Variants in TSPAN3 observed in about 807,000 individuals in gnomAD.
TSPAN3 encodes tetraspanin-3.
TSPAN3 carries 9 observed loss-of-function variants against 31.1 expected under a neutral mutation model. That is an observed-to-expected ratio of 0.29 (90% CI 0.17 to 0.50). TSPAN3 has a LOEUF of 0.50. Among genes scored for constraint, TSPAN3 ranks in the 20% least tolerant of loss-of-function variants. The pLI is 0.98. For synonymous variants in TSPAN3, 129 were observed against 114.3 expected, an observed-to-expected ratio of 1.13 and a Z score of -0.82; for missense variants, 252 against 313.5, an observed-to-expected ratio of 0.80 and a Z score of 1.48.
intron 6 of TSPAN3, among the ~76,000 whole-genome samples, chr15:77,052,147 G>A (rs748249293): frequency 2.9e-4 from 44 of 152,294 alleles, no homozygotes; most frequent in Middle Eastern, 3.4e-3. Context: ...ACAGTAAGAC[G>A]AGGAGTTCCC....
At chr15:77,049,901 G>A (rs1285941843) in intron 6 of TSPAN3, among the ~76,000 whole-genome samples, 3 of 152,258 alleles carry the variant, frequency 2.0e-5, no homozygotes, top group Non-Finnish European at 4.4e-5. Flanking sequence ...ACAAAATTTA[G>A]GAATTTAATC....
rs1218776638 is a variant in TSPAN3 at position 77,043,022 on chromosome 15, T to G, written c.*3813A>C. On this transcript the variant is annotated 3_prime_UTR_variant, in exon 7 of 7. Coordinates refer to ENST00000267970, the MANE Select transcript of TSPAN3 (RefSeq NM_005724.6). ...GACCCACAGTGGGCTCTGAAGGGGCTAACAAGGCTAGAGGAGGAAGATGGC... is the reference window on the plus strand; with the variant it reads ...GACCCACAGTGGGCTCTGAAGGGGCGAACAAGGCTAGAGGAGGAAGATGGC... The G allele has an allele frequency of 6.6e-6, 1 of 152,254 alleles. No individual in the cohort carries two copies. 9.4% of individuals were successfully genotyped at this position (152,254 alleles called of 1,614,324 possible). A position where few individuals can be genotyped will look rare whatever the true frequency, so the allele number is the denominator to read the frequency against.
At position 77,046,513 on chromosome 15, in the gene TSPAN3, T is replaced by C; in HGVS notation, c.*322A>G. ...CCTGGTGACATTTCGGCATCAGTCC[T>C]GTTACCACTTGGAGGTAACAGAAGC... On this transcript the variant is annotated 3_prime_UTR_variant, in exon 7 of 7. Transcript: ENST00000267970. 1 of 449,772 alleles carries C rather than the reference T, an allele frequency of 2.2e-6. No homozygotes were observed. The highest frequency in any genetic ancestry group is 3.9e-6 in the Non-Finnish European group (1 of 255,442). The allele number at this position is 449,772 out of a possible 1,614,324, so 27.9% of individuals were successfully genotyped here. A position where few individuals can be genotyped will look rare whatever the true frequency, so the allele number is the denominator to read the frequency against.
intron 6 of TSPAN3, 74 bp from the exon 7 acceptor site, chr15:77,047,001 T>TA: frequency 8.1e-7 from 1 of 1,227,704 alleles, no homozygotes; most frequent in Non-Finnish European, 1.2e-6. Flanking sequence ...TCTTTGTTGG[T>TA]AAAAGAGCTG....
Position 77,046,771 on chromosome 15 carries a change from C to A in TSPAN3, c.*64G>T. On this transcript the variant is annotated 3_prime_UTR_variant, in exon 7 of 7. Transcript: ENST00000267970. ...AATGAACTCCAGAGGCCAACAGCAG[C>A]AGACCTGCTCAATTCACCTTCCAAA... The A allele has an allele frequency of 8.0e-7, 1 of 1,250,000 alleles. No homozygotes were observed. The highest frequency in any genetic ancestry group is 1.1e-6 in the Non-Finnish European group (1 of 873,548). The allele number at this position is 1,250,000 out of a possible 1,614,324, so 77.4% of individuals were successfully genotyped here.
chr15:77,051,955 A>G (rs2076734325), intron 6 of TSPAN3, among the ~76,000 whole-genome samples: 3 of 152,230 alleles, frequency 2.0e-5, no homozygotes, highest in Admixed American at 2.0e-4. Context: ...GAGGACAGAA[A>G]AACAAGAACT....
chr15:77,053,033 G>T, intron 4 of TSPAN3, 104 bp from the exon 5 acceptor site: 1 of 1,117,594 alleles, frequency 8.9e-7, no homozygotes, highest in Non-Finnish European at 1.3e-6. Flanking sequence ...AGTGATGTCC[G>T]ATACAACTTT....
intron 1 of TSPAN3, chr15:77,068,212 G>A (rs1207620265): frequency 6.6e-6 from 1 of 152,128 alleles, no homozygotes; most frequent in Non-Finnish European, 1.5e-5. Flanking sequence ...TTTGCCCCCA[G>A]CGTATCTGCT....
chr15:77,070,682 G>A (rs1415860401), intron 1 of TSPAN3, among the ~76,000 whole-genome samples: 1 of 151,794 alleles, frequency 6.6e-6, no homozygotes, highest in Non-Finnish European at 1.5e-5. Flanking sequence ...GCCTCCCCTC[G>A]CTGTCCTCCG....
At chr15:77,066,478 AG>A (rs1163737018) in intron 1 of TSPAN3, among the ~76,000 whole-genome samples, 1 of 143,952 alleles carries the variant, frequency 6.9e-6, no homozygotes, top group Non-Finnish European at 1.5e-5. Context: ...AGGCTGAGGC[AG>A]GAAGATCGCT....
chr15:77,067,267 G>C (rs2076839203), intron 1 of TSPAN3, among the ~76,000 whole-genome samples: 2 of 152,258 alleles, frequency 1.3e-5, no homozygotes, highest in South Asian at 4.2e-4. Flanking sequence ...TTTGGTTTGT[G>C]CCTTTCCACA....
At position 77,044,815 on chromosome 15, in the gene TSPAN3, G is replaced by A. The variant is rs1429824613; in HGVS notation, c.*2020C>T. On this transcript the variant is annotated 3_prime_UTR_variant, in exon 7 of 7. Coordinates refer to ENST00000267970, the MANE Select transcript of TSPAN3 (RefSeq NM_005724.6). ...TCACCTCAGGGCCAGCCTGTGACAG[G>A]GTACCCACAGGATGGTTCATATTGA... The A allele has an allele frequency of 6.6e-6, 1 of 152,140 alleles. No individual in the cohort carries two copies. The highest frequency in any genetic ancestry group is 1.5e-5 in the Non-Finnish European group (1 of 68,090). The allele number at this position is 152,140 out of a possible 1,614,324, so 9.4% of individuals were successfully genotyped here.
chr15:77,046,982 G>A (rs1568537544), intron 6 of TSPAN3, 55 bp from the exon 7 acceptor site: 2 of 1,400,914 alleles, frequency 1.4e-6, no homozygotes, highest in Non-Finnish European at 9.9e-7. Flanking sequence ...CTCATGGCAG[G>A]TGTGTATTTC....
chr15:77,064,278 C>G (rs544913046), intron 1 of TSPAN3: 20 of 152,188 alleles, frequency 1.3e-4, no homozygotes, highest in African/African-American at 4.8e-4. Flanking sequence ...AAAGTCTACC[C>G]TCTCTCCCCA....
rs959858349 is a variant in TSPAN3, at chr15:77,045,192, C to G, written c.*1643G>C. 1 of 152,186 alleles carries G rather than the reference C, an allele frequency of 6.6e-6. No homozygotes were observed. The highest frequency in any genetic ancestry group is 1.5e-5 in the Non-Finnish European group (1 of 68,088). 9.4% of individuals were successfully genotyped at this position (152,186 alleles called of 1,614,324 possible). A position where few individuals can be genotyped will look rare whatever the true frequency, so the allele number is the denominator to read the frequency against. ...TTTCCCCAGTTGACTGAGCCAGAAA[C>G]CTGGGACTCATCCTAGATGAGTCTT... On this transcript the variant is annotated 3_prime_UTR_variant, in exon 7 of 7. Coordinates refer to ENST00000267970, the MANE Select transcript of TSPAN3 (RefSeq NM_005724.6).
In TSPAN3 at chr15:77,052,789, G is replaced by A; in HGVS notation, c.573C>T (p.Asp191=). The A allele has an allele frequency of 2.5e-6, 4 of 1,614,092 alleles. No homozygotes were observed. The highest frequency in any genetic ancestry group is 3.4e-6 in the Non-Finnish European group (4 of 1,179,990). Residue 191 remains aspartate (D), a synonymous_variant, in exon 5 of 7, where the codon GAC becomes GAT. Coordinates refer to ENST00000267970, the MANE Select transcript of TSPAN3 (RefSeq NM_005724.6). ...CCAAGAGACTCACCTCAGCATAGAG[G>A]TCGGAAGGGTGGGCCAGGCTGCCAT... The part of the protein sequence containing the change: ...NCNGSLAHPS[D]LYAEGCEALV...
At chr15:77,050,211 T>C (rs914093172) in intron 6 of TSPAN3, among the ~76,000 whole-genome samples, 5 of 152,240 alleles carry the variant, frequency 3.3e-5, no homozygotes, top group Admixed American at 2.6e-4. Flanking sequence ...AAGCTTAGAA[T>C]GTTTACAGGT....
chr15:77,062,649 A>C (rs190235287), intron 1 of TSPAN3, among the ~76,000 whole-genome samples: 1 of 152,222 alleles, frequency 6.6e-6, no homozygotes, highest in African/African-American at 2.4e-5. Flanking sequence ...CTGGCAATAC[A>C]TATCTGCCTC....
intron 4 of TSPAN3, among the ~76,000 whole-genome samples, chr15:77,053,490 A>AAAAAAAAAAAAAAAAAAAAAAAT (rs2076746488): frequency 7.6e-6 from 1 of 131,242 alleles, no homozygotes; most frequent in Admixed American, 7.8e-5. Flanking sequence ...AAAAAAAAAA[A>AAAAAAAAAAAAAAAAAAAAAAAT]AAAAGAAAAG....
Sources: gnomAD v4.1 joint callset for allele counts (sites outside exome capture counted in the v4.1 genomes callset) on GRCh38, gnomAD v4.1.1 for gene constraint, MANE v1.5 for transcripts, NCBI Gene and HGNC (gene_info 2026-07-23, HGNC 2026-07-21) for gene names.